The following TRIM16 variants were observed in gnomAD, a reference collection of about 807,000 sequenced individuals.
TRIM16 encodes tripartite motif-containing protein 16.
Under a neutral mutation model 50.4 loss-of-function variants are expected in TRIM16, and 33 were observed. That is an observed-to-expected ratio of 0.65 (90% CI 0.50 to 0.88). TRIM16 has a LOEUF of 0.88. Among genes scored for constraint, TRIM16 ranks in the 40% least tolerant of loss-of-function variants. TRIM16 has a pLI of 0.00. For synonymous variants in TRIM16, 229 were observed against 270.7 expected (o/e 0.85, Z 1.51); for missense variants, 581 against 686.8 (o/e 0.85, Z 1.72).
In TRIM16 at chr17:15,636,158, C is replaced by T; in HGVS notation, c.727G>A (p.Ala243Thr). 4 of 1,609,922 alleles carry T rather than the reference C, an allele frequency of 2.5e-6. No homozygotes were observed. Among genetic ancestry groups the T allele is most frequent in the Non-Finnish European group, 3.4e-6 (4 of 1,178,926 alleles). The stretch of plus-strand genomic sequence containing the variant: ...ATACCGTTGGCCTGGCTCAGCGCAG[C>T]TTGCTCCTTCTCCTCTAAGAAGAGC... The part of the protein sequence containing the change: ...VMLFLEEKEQ[A>T]ALSQANGIKA... The change falls in exon 9 of 12, where the codon GCT (alanine) becomes ACT (threonine). Residue 243 changes from alanine to threonine, a missense_variant. Transcript: ENST00000649191.
chr17:15,665,867 G>A (rs1173605641), intron 6 of TRIM16, among the ~76,000 whole-genome samples: 2 of 151,924 alleles, frequency 1.3e-5, no homozygotes, highest in South Asian at 2.1e-4. Flanking sequence ...CTTTCTCACA[G>A]GCACCTTGAA....
intron 4 of TRIM16, among the ~76,000 whole-genome samples, chr17:15,679,001 G>T (rs1989066456): frequency 6.6e-6 from 1 of 151,248 alleles, no homozygotes; most frequent in Admixed American, 6.6e-5. Context: ...TCAGCCTCTT[G>T]AGTAGCTGGG....
intron 4 of TRIM16, among the ~76,000 whole-genome samples, chr17:15,678,167 C>T (rs60619212): frequency 0.053 from 8,015 of 150,420 alleles, 399 homozygotes; most frequent in African/African-American, 0.13. Flanking sequence ...TGCAGTGAGC[C>T]GAGATCACGC....
chr17:15,682,258 A>G (rs1370875842), intron 3 of TRIM16, among the ~76,000 whole-genome samples: 7 of 152,216 alleles, frequency 4.6e-5, no homozygotes, highest in Non-Finnish European at 1.0e-4. Context: ...GAGGAAAAAA[A>G]GGTATGATCA....
rs898118670 is a variant in TRIM16, at chr17:15,629,338, T to C, written c.1112-140A>G. 9.4e-5 allele frequency: 57 copies of C among 604,602 alleles called. No homozygotes were observed. In the African/African-American group the frequency reaches 1.0e-3, roughly 11 times the overall value. The allele number at this position is 604,602 out of a possible 1,614,324, so 37.5% of individuals were successfully genotyped here. ...TTCTCTATTTACCCAGGCTGCTGTTTCCCTAGGAAATGAGGTGAGTGAAGA... is the reference window on the plus strand; with the variant it reads ...TTCTCTATTTACCCAGGCTGCTGTTCCCCTAGGAAATGAGGTGAGTGAAGA... On this transcript the variant is annotated intron_variant, in intron 11 of 11. Transcript: ENST00000649191.
At position 15,628,747 on chromosome 17, in the gene TRIM16, C is replaced by T; in HGVS notation, c.1563G>A (p.Lys521=). Residue 521 remains lysine, a synonymous_variant, in exon 12 of 12, where the codon AAG becomes AAA. Transcript: ENST00000649191. ...CTGGTTCTGAAAATTTGCAGGCAAA[C>T]TTGTGAACCAGAGTCATGGTATCAT... ...VEYDTMTLVH[K]FACKFSEPVY... 2 of 1,614,168 alleles carry T rather than the reference C, an allele frequency of 1.2e-6. No homozygotes were observed. Among genetic ancestry groups the T allele is most frequent in the Non-Finnish European group, 1.7e-6 (2 of 1,180,034 alleles).
intron 6 of TRIM16, among the ~76,000 whole-genome samples, chr17:15,660,461 A>G (rs1367621951): frequency 1.3e-5 from 2 of 152,174 alleles, no homozygotes; most frequent in African/African-American, 2.4e-5. Context: ...CCAGATGGTT[A>G]AACACTCCAT....
intron 8 of TRIM16, among the ~76,000 whole-genome samples, chr17:15,639,618 G>C (rs1987026533): frequency 1.3e-5 from 2 of 149,334 alleles, no homozygotes; most frequent in Non-Finnish European, 3.0e-5. Flanking sequence ...CTGTTGTCCA[G>C]AGCTGGCCCT....
chr17:15,647,035 C>G (rs1344799533), intron 7 of TRIM16, among the ~76,000 whole-genome samples: 1 of 151,090 alleles, frequency 6.6e-6, no homozygotes, highest in Non-Finnish European at 1.5e-5. Context: ...GGCGCGATCT[C>G]GGTTCACTGC....
intron 6 of TRIM16, chr17:15,654,514 G>A (rs1428238673): frequency 6.6e-6 from 1 of 152,180 alleles, no homozygotes; most frequent in African/African-American, 2.4e-5. Flanking sequence ...TCCCCCTGAG[G>A]AAGAGAAAGA....
intron 4 of TRIM16, among the ~76,000 whole-genome samples, chr17:15,678,277 T>G (rs1366796047): frequency 1.3e-5 from 2 of 152,062 alleles, no homozygotes; most frequent in Non-Finnish European, 1.5e-5. Flanking sequence ...GAATCACATC[T>G]ATTTATACCT....
chr17:15,667,004 G>T (rs1398406333), intron 6 of TRIM16, among the ~76,000 whole-genome samples: 1 of 152,146 alleles, frequency 6.6e-6, no homozygotes, highest in Non-Finnish European at 1.5e-5. Context: ...AGAACTAATA[G>T]GCTTATGAAT....
In TRIM16 at chr17:15,677,567, A is replaced by T; in HGVS notation, c.-443+8T>A. 1 of 1,051,240 alleles carries T rather than the reference A, an allele frequency of 9.5e-7. No homozygotes were observed. The highest frequency in any genetic ancestry group is 1.2e-6 in the Non-Finnish European group (1 of 862,478). 65.1% of individuals were successfully genotyped at this position (1,051,240 alleles called of 1,614,324 possible). Reference sequence around the variant, plus strand: ...AGGTCAATCTGGGGTGGAAGGACCCAAGCTCACCCAAGGAGACCAGGTTCC... The same window carrying T: ...AGGTCAATCTGGGGTGGAAGGACCCTAGCTCACCCAAGGAGACCAGGTTCC... On this transcript the variant is annotated splice_region_variant and intron_variant, in intron 5 of 11. Coordinates refer to ENST00000649191, the MANE Select transcript of TRIM16 (RefSeq NM_001348119.1).
intron 6 of TRIM16, among the ~76,000 whole-genome samples, chr17:15,660,667 G>A (rs1052156272): frequency 7.2e-5 from 11 of 152,118 alleles, no homozygotes; most frequent in African/African-American, 2.4e-4. Flanking sequence ...GGGAGGCCGA[G>A]GTGGGTGGAT....
chr17:15,663,830 C>A (rs148758970), intron 6 of TRIM16, among the ~76,000 whole-genome samples: 1 of 152,174 alleles, frequency 6.6e-6, no homozygotes, highest in Non-Finnish European at 1.5e-5. Flanking sequence ...TTGCCCACCC[C>A]GGGTCAATCC....
intron 6 of TRIM16, among the ~76,000 whole-genome samples, chr17:15,667,303 C>T (rs972757704): frequency 6.6e-6 from 1 of 152,120 alleles, no homozygotes; most frequent in African/African-American, 2.4e-5. Flanking sequence ...CCAAACTGTG[C>T]TAGCAGTCAT....
chr17:15,675,741 A>G (rs1483745150), intron 6 of TRIM16: 1 of 176,402 alleles, frequency 5.7e-6, no homozygotes, highest in Non-Finnish European at 1.3e-5. Flanking sequence ...GTATATACAC[A>G]TACGTATGTG....
At chr17:15,653,294 C>T (rs567413471) in intron 6 of TRIM16, among the ~76,000 whole-genome samples, 15 of 152,308 alleles carry the variant, frequency 9.8e-5, no homozygotes, top group Admixed American at 5.2e-4. Context: ...GCTTCTTGTA[C>T]AGCCTGCAAA....
rs1341270038 is a variant in TRIM16 at position 15,651,283 on chromosome 17, C to T, written c.327G>A (p.Gln109=). 2 of 1,614,268 alleles carry T rather than the reference C, an allele frequency of 1.2e-6. No homozygotes were observed. Among genetic ancestry groups the T allele is most frequent in the Admixed American group, 1.7e-5 (1 of 60,028 alleles). The change falls in exon 7 of 12, where the codon CAG becomes CAA. Residue 109 remains glutamine, a synonymous_variant. Transcript: ENST00000649191. ...NYCEEHLQPH[Q]VNIKLQSHLL... is the part of the protein sequence containing the mutation. ...GGTGGCTTTGCAGTTTGATGTTCACCTGATGCGGCTGCAAGTGCTCTTCAC... is the reference window on the plus strand; with the variant it reads ...GGTGGCTTTGCAGTTTGATGTTCACTTGATGCGGCTGCAAGTGCTCTTCAC...
Sources: gnomAD v4.1 joint callset for allele counts (sites outside exome capture counted in the v4.1 genomes callset) on GRCh38, gnomAD v4.1.1 for gene constraint, MANE v1.5 for transcripts, NCBI Gene and HGNC (gene_info 2026-07-23, HGNC 2026-07-21) for gene names.